ZER1: variants seen among roughly 807,000 people sequenced by gnomAD.
ZER1 encodes the protein protein zer-1 homolog.
ZER1 carries 11 observed loss-of-function variants against 78.8 expected under a neutral mutation model. The observed-to-expected ratio is 0.14, with a 90% CI of 0.09 to 0.23. The LOEUF (loss-of-function observed/expected upper bound fraction) is 0.23. Among genes scored for constraint, ZER1 ranks in the 10% least tolerant of loss-of-function variants. The pLI, the probability that ZER1 is intolerant of heterozygous loss-of-function variation, is 1.00. For missense variants in ZER1, 588 were observed against 996.9 expected, an observed-to-expected ratio of 0.59 and a Z score of 5.52; for synonymous variants, 400 against 407.0, an observed-to-expected ratio of 0.98 and a Z score of 0.21.
chr9:128,739,359 C>T (rs371395183), intron 13 of ZER1, among the ~76,000 whole-genome samples: 25 of 151,320 alleles, frequency 1.7e-4, no homozygotes, highest in East Asian at 1.6e-3. Flanking sequence ...AAAAATTAAC[C>T]GGGCGTGGTG....
intron 1 of ZER1, among the ~76,000 whole-genome samples, chr9:128,760,636 CA>C (rs796751466): frequency 1.0e-4 from 15 of 145,374 alleles, no homozygotes; most frequent in Non-Finnish European, 6.1e-5. Context: ...TACCAAAATA[CA>C]AAAAAAAAAG....
rs1208938052 is a variant in ZER1, at chr9:128,771,846, C to G, written c.-360G>C. 6.6e-6 allele frequency: 1 copy of G among 152,174 alleles called. No homozygotes were observed. Among genetic ancestry groups the G allele is most frequent in the African/African-American group, 2.4e-5 (1 of 41,458 alleles). 9.4% of individuals were successfully genotyped at this position (152,174 alleles called of 1,614,324 possible). ...CTTAGGGCTGCCGGCGGGGCTGAGGCTCCTGGGCCCGGCCCCTCCCCCGAT... is the reference window on the plus strand; with the variant it reads ...CTTAGGGCTGCCGGCGGGGCTGAGGGTCCTGGGCCCGGCCCCTCCCCCGAT... On this transcript the variant is annotated 5_prime_UTR_variant, in exon 1 of 16. Transcript: ENST00000291900.
At position 128,755,827 on chromosome 9, in the gene ZER1, A is replaced by G. The variant is rs1863839922; in HGVS notation, c.-94-168T>C. On this transcript the variant is annotated intron_variant, in intron 1 of 15. Transcript: ENST00000291900. This position sits in a 1 kb window ranked among gnomAD's most constrained non-coding sequence, Gnocchi z 5.6. ...TTCTTTCACCCGCCTCTGCTGTGCC[A>G]CTATCTATGCACAATTTGACCTGCA... Among the ~76,000 whole-genome samples the G allele has an allele frequency of 6.6e-6, 1 of 152,174 alleles. No homozygotes were observed. The highest frequency in any genetic ancestry group is 1.5e-5 in the Non-Finnish European group (1 of 68,030).
chr9:128,760,306 G>C (rs1157662821), intron 1 of ZER1, among the ~76,000 whole-genome samples: 1 of 152,020 alleles, frequency 6.6e-6, no homozygotes, highest in Admixed American at 6.6e-5. Context: ...AGGTTCAAGC[G>C]ATTCTCCTGC....
At chr9:128,738,201 C>T (rs1385325616) in intron 13 of ZER1, among the ~76,000 whole-genome samples, 21 of 145,468 alleles carry the variant, frequency 1.4e-4, no homozygotes, top group East Asian at 6.3e-4. Flanking sequence ...CATGCCACCA[C>T]GCCCGGCTAA....
In ZER1 at chr9:128,732,626, A is replaced by G. The variant is rs1374671693; in HGVS notation, c.2243+800T>C. On this transcript the variant is annotated intron_variant, in intron 15 of 15. Transcript: ENST00000291900. The surrounding 1 kb of genome is among the most constrained non-coding windows in gnomAD (Gnocchi z 4.8). ...AGTGATGCACCCACCTCAGCCTCCC[A>G]AAGTGCTAGGATTACAGGTGTGAGC... Among the ~76,000 whole-genome samples, 1 of 152,154 alleles carries G rather than the reference A, an allele frequency of 6.6e-6. No homozygotes were observed. The highest frequency in any genetic ancestry group is 1.5e-5 in the Non-Finnish European group (1 of 68,022).
At chr9:128,756,569 T>C (rs1037653295) in intron 1 of ZER1, among the ~76,000 whole-genome samples, 3 of 152,182 alleles carry the variant, frequency 2.0e-5, no homozygotes, top group African/African-American at 7.2e-5. Context: ...TATTCAGTCA[T>C]AAAAAGTAGT....
chr9:128,759,778 G>C (rs990974131), intron 1 of ZER1, among the ~76,000 whole-genome samples: 16 of 152,198 alleles, frequency 1.1e-4, no homozygotes, highest in Non-Finnish European at 2.9e-5. Context: ...CTGGGCAACA[G>C]AGCGAGACTC....
chr9:128,761,288 C>A (rs973354886), intron 1 of ZER1, among the ~76,000 whole-genome samples: 1 of 151,844 alleles, frequency 6.6e-6, no homozygotes, highest in South Asian at 2.1e-4. Flanking sequence ...TGGTTATGAC[C>A]CCACCTTTTT....
At chr9:128,734,144 A>AAAAAAATATATATATAT in intron 14 of ZER1, among the ~76,000 whole-genome samples, 1 of 14,454 alleles carries the variant, frequency 6.9e-5, no homozygotes, top group African/African-American at 1.9e-4. Flanking sequence ...AAAAAAAAAA[A>AAAAAAATATATATATAT]ATATATATAT....
chr9:128,768,804 C>T (rs1864294405), intron 1 of ZER1, among the ~76,000 whole-genome samples: 1 of 152,102 alleles, frequency 6.6e-6, no homozygotes, highest in African/African-American at 2.4e-5. Flanking sequence ...AGCCTCTACC[C>T]GTAGATCAGC....
At position 128,750,605 on chromosome 9, in the gene ZER1, TG is replaced by T. The variant is rs754378779; in HGVS notation, c.1359+10del. On this transcript the variant is annotated intron_variant, in intron 8 of 15. Coordinates refer to ENST00000291900, the MANE Select transcript of ZER1 (RefSeq NM_006336.4). ...CCAGAGCATGCGGGGCCGTGGCGGG[TG>T]GGGGCTCACCGTCACCTCCTGGTAG... 5 of 1,600,044 alleles carry T rather than the reference TG, an allele frequency of 3.1e-6. No homozygotes were observed. In the Admixed American group the frequency reaches 6.8e-5, roughly 22 times the overall value.
chr9:128,746,236 A>G (rs1405722955), intron 8 of ZER1: 1 of 152,184 alleles, frequency 6.6e-6, no homozygotes, highest in African/African-American at 2.4e-5. Flanking sequence ...TGCATTTAGA[A>G]TTTTGGCAGG....
chr9:128,771,425 C>A (rs1864379944), intron 1 of ZER1, among the ~76,000 whole-genome samples, 156 bp downstream of exon 1: 1 of 152,214 alleles, frequency 6.6e-6, no homozygotes, highest in African/African-American at 2.4e-5. Context: ...AGACACGATT[C>A]TCAGACCTGG....
At chr9:128,741,936 G>T in intron 9 of ZER1, 95 bp from the exon 10 acceptor site, 1 of 1,514,016 alleles carries the variant, frequency 6.6e-7, no homozygotes, top group Non-Finnish European at 9.2e-7. Context: ...CAACGCCATG[G>T]CTAGTTCAGG....
At chr9:128,750,563 G>A in intron 8 of ZER1, 53 bp downstream of exon 8, 7 of 1,596,022 alleles carry the variant, frequency 4.4e-6, no homozygotes, top group Non-Finnish European at 6.0e-6. Context: ...GCAAGAAGCA[G>A]GAAAGGGGTG....
Position 128,733,446 on chromosome 9 carries a change from C to T in ZER1, c.2223G>A (p.Gln741=). 1 of 1,614,002 alleles carries T rather than the reference C, an allele frequency of 6.2e-7. No individual in the cohort carries two copies. The highest frequency in any genetic ancestry group is 1.3e-5 in the African/African-American group (1 of 75,046). ...CTTACCGGGCCATTTCCTTGGTCTC[C>T]TGCCGTGCGGTCGCCATCTTAATTA... is the stretch of plus-strand genomic sequence containing the variant. ...RDIIKMATAR[Q]ETKEMARKVI... The change falls in exon 15 of 16, where the codon CAG becomes CAA. Residue 741 remains glutamine, a synonymous_variant. Coordinates refer to ENST00000291900, the MANE Select transcript of ZER1 (RefSeq NM_006336.4).
intron 9 of ZER1, 123 bp from the exon 10 acceptor site, chr9:128,741,964 G>C (rs1159022900): frequency 7.7e-7 from 1 of 1,296,660 alleles, no homozygotes; most frequent in African/African-American, 1.5e-5. Flanking sequence ...ACGAGATCAA[G>C]TCTCCCTATA....
chr9:128,739,968 T>C lies in ZER1; in HGVS notation c.2005A>G (p.Ser669Gly), dbSNP rs1455012932. ...TTTCTCCGAGAGTTTATGTCCCAGCTCTGGATGGCAGCCCACATGCGTTCC... is the reference window on the plus strand; with the variant it reads ...TTTCTCCGAGAGTTTATGTCCCAGCCCTGGATGGCAGCCCACATGCGTTCC... Reference protein sequence around the residue: ...VEERMWAAIQSWDINSRRNIN... With the variant: ...VEERMWAAIQGWDINSRRNIN... Residue 669 changes from serine (S) to glycine (G), a missense_variant, in exon 13 of 16, where the codon AGC becomes GGC. Physicochemically the swap from Ser to Gly is moderately conservative, Grantham distance 56. Transcript: ENST00000291900. The C allele has an allele frequency of 1.2e-6, 2 of 1,612,952 alleles. No homozygotes were observed. Among genetic ancestry groups the C allele is most frequent in the Non-Finnish European group, 1.7e-6 (2 of 1,179,104 alleles).
Sources: gnomAD v4.1 joint callset for allele counts (sites outside exome capture counted in the v4.1 genomes callset) on GRCh38, gnomAD v4.1.1 for gene constraint, Gnocchi (gnomAD v3.1) non-coding constraint, MANE v1.5 for transcripts, NCBI Gene and HGNC (gene_info 2026-07-23, HGNC 2026-07-21) for gene names.